POTEJ: variants seen among roughly 807,000 people sequenced by gnomAD.
The protein encoded by POTEJ is POTE ankyrin domain family member J, also known as POTE ankyrin domain family, member J.
In POTEJ, 11 loss-of-function variants were observed where a neutral mutation model predicts 69.0. That is an observed-to-expected ratio of 0.16 (90% CI 0.10 to 0.26). POTEJ has a LOEUF of 0.26. POTEJ is among the 10% of genes least tolerant of loss of function. The probability of loss-of-function intolerance (pLI) is 1.00; values close to 1 mark genes in which losing one functional copy is unlikely to be tolerated. For missense variants in POTEJ, 327 were observed against 1,045.5 expected, an observed-to-expected ratio of 0.31 and a Z score of 9.48; for synonymous variants, 117 against 381.1, an observed-to-expected ratio of 0.31 and a Z score of 8.07.
At chr2:130,612,694 C>T (rs1334215463) in intron 1 of POTEJ, among the ~76,000 whole-genome samples, 74 of 111,914 alleles carry the variant, frequency 6.6e-4, no homozygotes, top group Non-Finnish European at 1.1e-3. Context: ...ACTCGGGAGG[C>T]GGAGCTTGCA....
Position 130,625,965 on chromosome 2 carries a change from T to G in POTEJ, c.1015+1831T>G, listed in dbSNP as rs533822878. Among the ~76,000 whole-genome samples, 91 of 137,632 alleles carry G rather than the reference T, an allele frequency of 6.6e-4. 4 individuals carry two copies. The highest frequency in any genetic ancestry group is 1.2e-3 in the Non-Finnish European group (78 of 64,872). The allele number at this position is 137,632 out of a possible 152,430, so 90.3% of individuals were successfully genotyped here. A position where few individuals can be genotyped will look rare whatever the true frequency, so the allele number is the denominator to read the frequency against. On this transcript the variant is annotated intron_variant, in intron 6 of 14. Coordinates refer to ENST00000409602, the MANE Select transcript of POTEJ (RefSeq NM_001277083.2). ...TCTTTGATATCCTAGGATCCCACTT[T>G]TCCCTCTTTCAGCTGTGCTGTTGGC...
chr2:130,649,437 G>T (rs1686720151), intron 13 of POTEJ, among the ~76,000 whole-genome samples: 1 of 152,186 alleles, frequency 6.6e-6, no homozygotes, highest in Non-Finnish European at 1.5e-5. Flanking sequence ...AATATATCCA[G>T]AGGCCAGTCT....
In POTEJ at chr2:130,657,577, A is replaced by G; in HGVS notation, c.2817A>G (p.Glu939=). The change falls in exon 15 of 15, where the codon GAA becomes GAG. Residue 939 remains glutamate, a synonymous_variant. Transcript: ENST00000409602. ...GCATGGAATCCTGTGGCATCCATGA[A>G]ACTACCTTCAACTCCATCATGAAGT... ...FLGMESCGIH[E]TTFNSIMKSD... The G allele has an allele frequency of 6.5e-7, 1 of 1,539,892 alleles. No homozygotes were observed. The highest frequency in any genetic ancestry group is 8.8e-7 in the Non-Finnish European group (1 of 1,131,800).
chr2:130,657,044 G>A lies in POTEJ; in HGVS notation c.2284G>A (p.Glu762Lys), dbSNP rs569835408. ...CTACAACGAGCTGCGTGTGGCCCCCGAGGAGCACCCCATCCTGCTGACCGA... is the reference window on the plus strand; with the variant it reads ...CTACAACGAGCTGCGTGTGGCCCCCAAGGAGCACCCCATCCTGCTGACCGA... ...TFYNELRVAPEEHPILLTEAP... is the reference protein window; with the variant it reads ...TFYNELRVAPKEHPILLTEAP... The change falls in exon 15 of 15, where the codon GAG becomes AAG. Residue 762 changes from glutamate (E) to lysine (K), a missense_variant. Physicochemically the swap from Glu to Lys is moderately conservative, Grantham distance 56. Coordinates refer to ENST00000409602, the MANE Select transcript of POTEJ (RefSeq NM_001277083.2). 6.2e-4 allele frequency: 978 copies of A among 1,581,574 alleles called. 98 individuals carry two copies. The highest frequency in any genetic ancestry group is 8.9e-4 in the South Asian group (81 of 90,752).
intron 9 of POTEJ, among the ~76,000 whole-genome samples, chr2:130,637,506 G>A (rs1306869444): frequency 6.6e-6 from 1 of 151,510 alleles, no homozygotes; most frequent in Non-Finnish European, 1.5e-5. Context: ...TCACTGGAAG[G>A]TCATTTGACT....
At chr2:130,611,195 ACGTTTCCTCCTTGGATTGG>A, upstream of POTEJ, among the ~76,000 whole-genome samples, 4 of 131,468 alleles carry the variant, frequency 3.0e-5, no homozygotes, top group South Asian at 9.4e-4. Flanking sequence ...CCTTGGATTG[ACGTTTCCTCCTTGGATTGG>A]CGTTTCCTCT....
At chr2:130,628,794 G>A (rs1234421569) in intron 6 of POTEJ, among the ~76,000 whole-genome samples, 1 of 149,880 alleles carries the variant, frequency 6.7e-6, no homozygotes, top group East Asian at 1.9e-4. Context: ...GGCTGGAGCA[G>A]GCAGATCACA....
chr2:130,627,015 T>C (rs1224076550), intron 6 of POTEJ, among the ~76,000 whole-genome samples: 1 of 152,162 alleles, frequency 6.6e-6, no homozygotes, highest in Non-Finnish European at 1.5e-5. Flanking sequence ...TTAGTAATAA[T>C]TGAATGAGAA....
chr2:130,614,908 T>C lies in POTEJ; in HGVS notation c.411-1882T>C, dbSNP rs527249388. 1.9e-4 allele frequency among the ~76,000 whole-genome samples: 7 copies of C among 36,736 alleles called. No homozygotes were observed. The East Asian group carries it at 3.5e-3, about 18-fold the overall frequency. 24.1% of individuals were successfully genotyped at this position (36,736 alleles called of 152,430 possible). ...ATTATATATACATTTTATTCCATAATTATCTTTTCATTATATATAGATTAA... is the reference window on the plus strand; with the variant it reads ...ATTATATATACATTTTATTCCATAACTATCTTTTCATTATATATAGATTAA... On this transcript the variant is annotated intron_variant, in intron 1 of 14. Transcript: ENST00000409602.
intron 6 of POTEJ, among the ~76,000 whole-genome samples, chr2:130,625,239 CA>C (rs1685660357): frequency 1.3e-5 from 2 of 152,160 alleles, no homozygotes; most frequent in Admixed American, 1.3e-4. Context: ...TGTGCTTTTT[CA>C]ACAGAATTTA....
chr2:130,638,312 A>G (rs1312227287), intron 9 of POTEJ, among the ~76,000 whole-genome samples: 4 of 151,610 alleles, frequency 2.6e-5, no homozygotes, highest in Non-Finnish European at 5.9e-5. Flanking sequence ...TCAAGAGCAA[A>G]TAGCTGTTCA....
At chr2:130,656,137 A>G (rs1218309710) in intron 14 of POTEJ, among the ~76,000 whole-genome samples, 1 of 145,592 alleles carries the variant, frequency 6.9e-6, no homozygotes, top group African/African-American at 2.6e-5. Flanking sequence ...TGTGGTTGAT[A>G]GGTTAGATAT....
chr2:130,626,824 G>T (rs1186158537), intron 6 of POTEJ, among the ~76,000 whole-genome samples: 1 of 152,156 alleles, frequency 6.6e-6, no homozygotes, highest in African/African-American at 2.4e-5. Context: ...TAATATGTTG[G>T]CCTTTGTTTT....
At chr2:130,641,145 A>G (rs1686354535) in intron 10 of POTEJ, among the ~76,000 whole-genome samples, 1 of 152,064 alleles carries the variant, frequency 6.6e-6, no homozygotes, top group Admixed American at 6.6e-5. Context: ...ATAAAACTTT[A>G]TTTACAAAAC....
At chr2:130,646,416 T>C (rs1686580892) in intron 13 of POTEJ, 106 bp downstream of exon 13, 1 of 494,336 alleles carries the variant, frequency 2.0e-6, no homozygotes, top group East Asian at 3.4e-5. Context: ...TATTAGGATA[T>C]TGAGCCTTGC....
intron 13 of POTEJ, among the ~76,000 whole-genome samples, chr2:130,648,780 A>C (rs1686687988): frequency 8.1e-6 from 1 of 123,460 alleles, no homozygotes; most frequent in African/African-American, 3.3e-5. Context: ...TCTTTCTCAT[A>C]GTTTTTTTTT....
At chr2:130,629,562 C>T (rs1216209821) in intron 6 of POTEJ, among the ~76,000 whole-genome samples, 1 of 149,588 alleles carries the variant, frequency 6.7e-6, no homozygotes, top group Non-Finnish European at 1.5e-5. Flanking sequence ...TTGTTACTAT[C>T]CTTAGAGTCA....
chr2:130,641,000 T>A (rs1358868784), intron 10 of POTEJ, among the ~76,000 whole-genome samples: 2 of 151,862 alleles, frequency 1.3e-5, no homozygotes, highest in African/African-American at 4.8e-5. Context: ...GCAGGCTTTT[T>A]CTTTAAAGGA....
intron 1 of POTEJ, among the ~76,000 whole-genome samples, chr2:130,613,281 TATATATACATATATATAC>T (rs1685289816): frequency 1.8e-5 from 1 of 55,278 alleles, no homozygotes; most frequent in African/African-American, 2.6e-4. Context: ...TATACATATG[TATATATACATATATATAC>T]ATATGTATAT....
Sources: gnomAD v4.1 joint callset for allele counts (sites outside exome capture counted in the v4.1 genomes callset) on GRCh38, gnomAD v4.1.1 for gene constraint, MANE v1.5 for transcripts, NCBI Gene and HGNC (gene_info 2026-07-23, HGNC 2026-07-21) for gene names.